Variants in BRCA1 observed in about 807,000 individuals in gnomAD.
BRCA1 encodes the protein breast cancer type 1 susceptibility protein.
In BRCA1, 140 loss-of-function variants were observed where a neutral mutation model predicts 173.7. The ratio of observed to expected loss-of-function variants is 0.81; its 90% CI spans 0.70 to 0.93. The LOEUF (loss-of-function observed/expected upper bound fraction) is 0.93. BRCA1 is among the 40% of genes least tolerant of loss of function. The probability of loss-of-function intolerance (pLI) is 0.00; values close to 1 mark genes in which losing one functional copy is unlikely to be tolerated. For synonymous variants in BRCA1, 662 were observed against 756.0 expected, an observed-to-expected ratio of 0.88 and a Z score of 2.04; for missense variants, 1,983 against 2,172.5, an observed-to-expected ratio of 0.91 and a Z score of 1.73.
chr17:43,158,508 T>C (rs2056212130), intron 1 of BRCA1, among the ~76,000 whole-genome samples: 1 of 152,170 alleles, frequency 6.6e-6, no homozygotes, highest in Admixed American at 6.5e-5. Context: ...AAAAACAACT[T>C]TCATAAAGCA....
At chr17:43,163,983 C>T (rs2056251822) in intron 1 of BRCA1, 2 of 152,216 alleles carry the variant, frequency 1.3e-5, no homozygotes, top group Non-Finnish European at 2.9e-5. Flanking sequence ...ACCAGGCAGC[C>T]CACATCTGGT....
At chr17:43,053,883 C>T (rs777976393) in intron 19 of BRCA1, among the ~76,000 whole-genome samples, 17 of 151,646 alleles carry the variant, frequency 1.1e-4, no homozygotes, top group Non-Finnish European at 2.2e-4. Flanking sequence ...GCAGGAGAAT[C>T]ACTTGAACCC....
upstream of BRCA1, among the ~76,000 whole-genome samples, chr17:43,126,396 C>G (rs1424906601): frequency 6.6e-6 from 1 of 152,190 alleles, no homozygotes; most frequent in African/African-American, 2.4e-5. Context: ...GAGATAGCGG[C>G]AGAGCTGGCA....
chr17:43,100,561 TATATATATATAAC>T (rs1169731657), intron 6 of BRCA1, among the ~76,000 whole-genome samples: 1 of 39,194 alleles, frequency 2.6e-5, no homozygotes, highest in African/African-American at 1.5e-4. Context: ...TGTGTGTGTA[TATATATATATAAC>T]ATATATATAA....
intron 18 of BRCA1, among the ~76,000 whole-genome samples, chr17:43,057,881 G>A (rs1369970167): frequency 6.6e-6 from 1 of 151,610 alleles, no homozygotes; most frequent in African/African-American, 2.4e-5. Context: ...TTAGCTGGGC[G>A]TGGTGGCATG....
chr17:43,102,810 G>A (rs1221891258), intron 6 of BRCA1, among the ~76,000 whole-genome samples: 1 of 151,990 alleles, frequency 6.6e-6, no homozygotes, highest in Non-Finnish European at 1.5e-5. Context: ...ACACCACCAT[G>A]CCCAGATAAT....
At chr17:43,152,377 C>T (rs763756582) in intron 1 of BRCA1, among the ~76,000 whole-genome samples, 15 of 152,218 alleles carry the variant, frequency 9.9e-5, no homozygotes, top group Non-Finnish European at 2.9e-5. Flanking sequence ...TTTTCCAACA[C>T]ATCTAGCAAG....
chr17:43,141,994 C>A (rs1488199287), intron 1 of BRCA1, among the ~76,000 whole-genome samples: 1 of 151,988 alleles, frequency 6.6e-6, no homozygotes, highest in Non-Finnish European at 1.5e-5. Context: ...TCACTGCAAC[C>A]TCCGTCTCCT....
chr17:43,112,271 G>A lies in BRCA1; in HGVS notation c.134+3455C>T, dbSNP rs542750606. 5.9e-5 allele frequency among the ~76,000 whole-genome samples: 9 copies of A among 152,196 alleles called. No individual in the cohort carries two copies. In the East Asian group the frequency reaches 1.4e-3, roughly 23 times the overall value. ...TACCCAGCTAATTTTTGTATTTTTA[G>A]TAGAGATGGTGTTACCATATTGGCC... On this transcript the variant is annotated intron_variant, in intron 3 of 22. Coordinates refer to ENST00000357654, the MANE Select transcript of BRCA1 (RefSeq NM_007294.4).
chr17:43,152,330 A>G (rs1489446166), intron 1 of BRCA1, among the ~76,000 whole-genome samples: 1 of 152,106 alleles, frequency 6.6e-6, no homozygotes, highest in African/African-American at 2.4e-5. Flanking sequence ...CTTCCACTCC[A>G]CCTACAAGTG....
At chr17:43,077,010 G>A (rs1350279937) in intron 12 of BRCA1, among the ~76,000 whole-genome samples, 1 of 151,938 alleles carries the variant, frequency 6.6e-6, no homozygotes, top group Non-Finnish European at 1.5e-5. Context: ...GTACCGGAGA[G>A]CACAAAGTAC....
chr17:43,163,339 A>C (rs1409696025), intron 1 of BRCA1: 2 of 152,248 alleles, frequency 1.3e-5, no homozygotes, highest in Non-Finnish European at 2.9e-5. Context: ...CAGGTCAGGT[A>C]GCCTCAGGGC....
intron 1 of BRCA1, among the ~76,000 whole-genome samples, chr17:43,150,201 C>G (rs2056151990): frequency 6.6e-6 from 1 of 152,100 alleles, no homozygotes; most frequent in South Asian, 2.1e-4. Flanking sequence ...CCTGAACCTC[C>G]TGGGCTCAAG....
chr17:43,063,155 G>A (rs933283404), intron 18 of BRCA1, among the ~76,000 whole-genome samples, 178 bp downstream of exon 18: 23 of 152,116 alleles, frequency 1.5e-4, no homozygotes, highest in African/African-American at 4.6e-4. Context: ...CTCCCAAAGC[G>A]CTGGGATTAT....
At chr17:43,083,238 C>CTCT (rs2053099031) in intron 11 of BRCA1, among the ~76,000 whole-genome samples, 1 of 151,834 alleles carries the variant, frequency 6.6e-6, no homozygotes, top group South Asian at 2.1e-4. Flanking sequence ...TCACTGCAAC[C>CTCT]TCTTCCTCCC....
intron 1 of BRCA1, chr17:43,161,786 G>A (rs1327126365): frequency 1.3e-5 from 2 of 152,154 alleles, no homozygotes; most frequent in East Asian, 1.9e-4. Flanking sequence ...TGGGTCTGTA[G>A]GTACTAATTC....
rs8176147 is a variant in BRCA1 at position 43,096,147 on chromosome 17, C to T, written c.594-225G>A. Among the ~76,000 whole-genome samples, 45,382 of 151,654 alleles carry T rather than the reference C, an allele frequency of 0.3. 7,336 individuals carry two copies. The highest frequency in any genetic ancestry group is 0.49 in the South Asian group (2,355 of 4,796). On this transcript the variant is annotated intron_variant, in intron 8 of 22. Coordinates refer to ENST00000357654, the MANE Select transcript of BRCA1 (RefSeq NM_007294.4). ...ATTCCAGCACTTTGGGAGGCTGAGGCGGGTGGACCACTTGAGGTCATGAGT... is the reference window on the plus strand; with the variant it reads ...ATTCCAGCACTTTGGGAGGCTGAGGTGGGTGGACCACTTGAGGTCATGAGT...
In BRCA1 at chr17:43,094,642, T is replaced by C. The variant is rs80357196; in HGVS notation, c.889A>G (p.Met297Val). 1.2e-6 allele frequency: 2 copies of C among 1,614,210 alleles called. No individual in the cohort carries two copies. The highest frequency in any genetic ancestry group is 2.2e-5 in the East Asian group (1 of 44,884). ...CAGAATTCAGCCTTTTCTACATTCA[T>C]TCTGTCTTTAGTGAGTAATAAACTG... is the stretch of plus-strand genomic sequence containing the variant. Reference protein sequence around the residue: ...NSSLLLTKDRMNVEKAEFCNK... With the variant: ...NSSLLLTKDRVNVEKAEFCNK... Residue 297 changes from methionine to valine, a missense_variant, in exon 10 of 23, where the codon ATG (methionine) becomes GTG (valine). Coordinates refer to ENST00000357654, the MANE Select transcript of BRCA1 (RefSeq NM_007294.4).
chr17:43,051,110 C>G lies in BRCA1; in HGVS notation c.5285G>C (p.Arg1762Thr), dbSNP rs398122694. Residue 1762 changes from arginine to threonine, a missense_variant, in exon 20 of 23, where the codon AGG becomes ACG. Physicochemically the swap from Arg to Thr is moderately conservative, Grantham distance 71. Coordinates refer to ENST00000357654, the MANE Select transcript of BRCA1 (RefSeq NM_007294.4). ...ARESQDRKIF[R>T]GLEICCYGPF... ...CCCATAGCAACAGATTTCTAGCCCC[C>G]TGAAGATCTGGAAGAAGAGAGGAAG... 6.2e-7 allele frequency: 1 copy of G among 1,613,906 alleles called. No individual in the cohort carries two copies. Among genetic ancestry groups the G allele is most frequent in the Admixed American group, 1.7e-5 (1 of 60,004 alleles).
Sources: allele counts gnomAD v4.1 joint callset (sites outside exome capture counted in the v4.1 genomes callset), GRCh38; gene constraint gnomAD v4.1.1; transcripts MANE v1.5; gene names NCBI Gene and HGNC (gene_info 2026-07-23, HGNC 2026-07-21).